PCSK1: variants seen among roughly 807,000 people sequenced by gnomAD.
The protein encoded by PCSK1 is proprotein convertase subtilisin/kexin type 1.
Under a neutral mutation model 90.6 loss-of-function variants are expected in PCSK1, and 56 were observed. The ratio of observed to expected loss-of-function variants is 0.62; its 90% CI spans 0.50 to 0.77. The LOEUF (loss-of-function observed/expected upper bound fraction) is 0.77. Ranked by LOEUF, PCSK1 falls within the 30% of genes least tolerant of loss-of-function variation. PCSK1 has a pLI of 0.00. For synonymous variants in PCSK1, 348 were observed against 342.4 expected, an observed-to-expected ratio of 1.02 and a Z score of -0.18; for missense variants, 801 against 932.6, an observed-to-expected ratio of 0.86 and a Z score of 1.84.
chr5:96,416,629 A>G (rs528306273), intron 5 of PCSK1, among the ~76,000 whole-genome samples: 4 of 152,306 alleles, frequency 2.6e-5, no homozygotes, highest in Non-Finnish European at 4.4e-5. Context: ...CAAGTCCCCT[A>G]TTAAGCCCTC....
chr5:96,396,410 A>C (rs764005448), intron 12 of PCSK1, among the ~76,000 whole-genome samples: 1 of 151,994 alleles, frequency 6.6e-6, no homozygotes, highest in African/African-American at 2.4e-5. Context: ...AAAATACAAA[A>C]ATTAGCCAGG....
Position 96,392,539 on chromosome 5 carries a change from A to G in PCSK1, c.*462T>C, listed in dbSNP as rs1759978717. 2 of 174,728 alleles carry G rather than the reference A, an allele frequency of 1.1e-5. No homozygotes were observed. The highest frequency in any genetic ancestry group is 5.6e-5 in the Admixed American group (1 of 17,808). 10.8% of individuals were successfully genotyped at this position (174,728 alleles called of 1,614,324 possible). ...GTGAACTCCTTCATTAGGCCTACCA[A>G]ATACTTTCTTGGCATCAAAATTTGA... On this transcript the variant is annotated 3_prime_UTR_variant, in exon 14 of 14. Coordinates refer to ENST00000311106, the MANE Select transcript of PCSK1 (RefSeq NM_000439.5).
intron 3 of PCSK1, among the ~76,000 whole-genome samples, chr5:96,425,401 A>C (rs901075938): frequency 6.6e-6 from 1 of 152,336 alleles, no homozygotes; most frequent in African/African-American, 2.4e-5. Context: ...CATCTGTGTC[A>C]TATAAGAATT....
intron 9 of PCSK1, among the ~76,000 whole-genome samples, chr5:96,403,902 A>T (rs563874459): frequency 4.9e-4 from 75 of 152,208 alleles, no homozygotes; most frequent in Non-Finnish European, 8.2e-4. Flanking sequence ...AGGTTTTAAT[A>T]AGACCAGAAG....
At chr5:96,420,211 A>C (rs1230273755) in intron 5 of PCSK1, among the ~76,000 whole-genome samples, 1 of 152,248 alleles carries the variant, frequency 6.6e-6, no homozygotes, top group Non-Finnish European at 1.5e-5. Context: ...TTAGGGGAAG[A>C]AAATGGAATA....
intron 12 of PCSK1, among the ~76,000 whole-genome samples, chr5:96,395,950 A>T (rs1172211431): frequency 6.6e-6 from 1 of 152,244 alleles, no homozygotes. Flanking sequence ...AAATATCTTT[A>T]AAAATTTAGA....
At chr5:96,403,539 CTTTGT>C in intron 9 of PCSK1, among the ~76,000 whole-genome samples, 1 of 152,274 alleles carries the variant, frequency 6.6e-6, no homozygotes, top group Non-Finnish European at 1.5e-5. Context: ...GACAGCCTTC[CTTTGT>C]TAATTTGTGC....
intron 11 of PCSK1, among the ~76,000 whole-genome samples, chr5:96,398,425 C>T (rs562572248): frequency 2.0e-4 from 31 of 152,304 alleles, no homozygotes; most frequent in African/African-American, 7.2e-4. Context: ...TATAAAATGG[C>T]CTTATTCATG....
chr5:96,397,271 C>A lies in PCSK1; in HGVS notation c.1722+65G>T. 2.8e-6 allele frequency: 4 copies of A among 1,433,590 alleles called. No homozygotes were observed. In the South Asian group the frequency reaches 4.7e-5, roughly 17 times the overall value. The allele number at this position is 1,433,590 out of a possible 1,614,324, so 88.8% of individuals were successfully genotyped here. On this transcript the variant is annotated intron_variant, in intron 12 of 13. Coordinates refer to ENST00000311106, the MANE Select transcript of PCSK1 (RefSeq NM_000439.5). ...GGCCCTAATTAATGATGAAATCAAC[C>A]TTAAAAGTGCTTCAAAATGTTTAAA...
At chr5:96,399,175 A>G (rs1760265827) in intron 10 of PCSK1, 139 bp from the exon 11 acceptor site, 2 of 666,042 alleles carry the variant, frequency 3.0e-6, no homozygotes, top group East Asian at 5.4e-5. Context: ...AACCTAATTC[A>G]GAATTATGTA....
chr5:96,433,160 T>C lies in PCSK1; in HGVS notation c.-118A>G. 1 of 975,728 alleles carries C rather than the reference T, an allele frequency of 1.0e-6. No individual in the cohort carries two copies. Among genetic ancestry groups the C allele is most frequent in the African/African-American group, 1.6e-5 (1 of 62,722 alleles). The allele number at this position is 975,728 out of a possible 1,614,324, so 60.4% of individuals were successfully genotyped here. A position where few individuals can be genotyped will look rare whatever the true frequency, so the allele number is the denominator to read the frequency against. On this transcript the variant is annotated 5_prime_UTR_variant, in exon 1 of 14. Coordinates refer to ENST00000311106, the MANE Select transcript of PCSK1 (RefSeq NM_000439.5). Reference sequence around the variant, plus strand: ...CGGGCTCTAGACCACTCCTGGCTCCTGGTTGCTCTGCGAAGAGCTAGGAGG... The same window carrying C: ...CGGGCTCTAGACCACTCCTGGCTCCCGGTTGCTCTGCGAAGAGCTAGGAGG...
chr5:96,410,210 G>A (rs181491899), intron 8 of PCSK1, among the ~76,000 whole-genome samples: 8 of 152,206 alleles, frequency 5.3e-5, no homozygotes, highest in Admixed American at 2.0e-4. Flanking sequence ...GCAGGCAAGC[G>A]TGGGCTGGAG....
chr5:96,422,508 C>T (rs139476720), intron 4 of PCSK1, among the ~76,000 whole-genome samples: 1 of 152,272 alleles, frequency 6.6e-6, no homozygotes, highest in African/African-American at 2.4e-5. Context: ...ACTCCCTTTT[C>T]CAACCCAATA....
chr5:96,398,966 T>G lies in PCSK1; in HGVS notation c.1501A>C (p.Ile501Leu). The change falls in exon 11 of 14, where the codon ATC (isoleucine) becomes CTC (leucine). Residue 501 changes from isoleucine (I) to leucine (L), a missense_variant. Coordinates refer to ENST00000311106, the MANE Select transcript of PCSK1 (RefSeq NM_000439.5). ...TRACEGQENA[I>L]KSLEHVQFEA... ...AATTGTACATGCTCCAGGGACTTGATAGCATTTTCTTGTCCTTCACAAGCT... is the reference window on the plus strand; with the variant it reads ...AATTGTACATGCTCCAGGGACTTGAGAGCATTTTCTTGTCCTTCACAAGCT... 10 of 1,611,856 alleles carry G rather than the reference T, an allele frequency of 6.2e-6. No individual in the cohort carries two copies. The highest frequency in any genetic ancestry group is 7.6e-6 in the Non-Finnish European group (9 of 1,177,988).
chr5:96,406,427 A>T (rs1760565573), intron 9 of PCSK1, among the ~76,000 whole-genome samples: 1 of 152,174 alleles, frequency 6.6e-6, no homozygotes, highest in Non-Finnish European at 1.5e-5. Flanking sequence ...GGAGGGCCCA[A>T]TATCTATTTC....
chr5:96,393,154 G>A lies in PCSK1; in HGVS notation c.2109C>T (p.Ala703=). The A allele has an allele frequency of 6.2e-7, 1 of 1,614,070 alleles. No homozygotes were observed. The highest frequency in any genetic ancestry group is 8.5e-7 in the Non-Finnish European group (1 of 1,180,008). Residue 703 remains alanine, a synonymous_variant, in exon 14 of 14, where the codon GCC becomes GCT. Transcript: ENST00000311106. ...GGGAAGGTTTGTTCAGCTTTTCCAG[G>A]GCTTCGTAGAAGTTTTCATAAGGGA... is the stretch of plus-strand genomic sequence containing the variant. ...LNIPYENFYE[A]LEKLNKPSQL...
intron 12 of PCSK1, 72 bp downstream of exon 12, chr5:96,397,264 A>C (rs1760185098): frequency 3.7e-6 from 5 of 1,346,872 alleles, no homozygotes; most frequent in Non-Finnish European, 5.3e-6. Context: ...TTAATGATGA[A>C]ATCAACCTTA....
At chr5:96,424,527 A>G (rs540020969) in intron 3 of PCSK1, among the ~76,000 whole-genome samples, 49 of 152,318 alleles carry the variant, frequency 3.2e-4, no homozygotes, top group Non-Finnish European at 5.0e-4. Context: ...AATGGGCATA[A>G]TTACTATTTC....
Position 96,393,383 on chromosome 5 carries a change from A to C in PCSK1, c.1885-5T>G, listed in dbSNP as rs755193368. 5.0e-6 allele frequency: 8 copies of C among 1,613,398 alleles called. No individual in the cohort carries two copies. The highest frequency in any genetic ancestry group is 1.7e-5 in the Admixed American group (1 of 59,996). On this transcript the variant is annotated splice_region_variant and splice_polypyrimidine_tract_variant and intron_variant, in intron 13 of 13. Coordinates refer to ENST00000311106, the MANE Select transcript of PCSK1 (RefSeq NM_000439.5). ...GTTCTCTTGTGTGGGCTGCTCCTAAAACATAGAATGCCATCCACAAAGGGA... is the reference window on the plus strand; with the variant it reads ...GTTCTCTTGTGTGGGCTGCTCCTAACACATAGAATGCCATCCACAAAGGGA...
Sources: allele counts gnomAD v4.1 joint callset (sites outside exome capture counted in the v4.1 genomes callset), GRCh38; gene constraint gnomAD v4.1.1; transcripts MANE v1.5; gene names NCBI Gene and HGNC (gene_info 2026-07-23, HGNC 2026-07-21).